EXOC4: variants seen among roughly 807,000 people sequenced by gnomAD.
EXOC4 encodes the protein SEC8-like 1.
A neutral mutation model predicts 107.2 loss-of-function variants in EXOC4; 71 were observed. The observed-to-expected ratio is 0.66, with a 90% CI of 0.55 to 0.81. EXOC4 has a LOEUF of 0.81. Ranked by LOEUF, EXOC4 falls within the 30% of genes least tolerant of loss-of-function variation. EXOC4 has a pLI of 0.00. For synonymous variants in EXOC4, 456 were observed against 441.2 expected (o/e 1.03, Z -0.42); for missense variants, 1,108 against 1,189.6 (o/e 0.93, Z 1.01).
intron 9 of EXOC4, among the ~76,000 whole-genome samples, chr7:133,608,155 C>CA (rs1357710332): frequency 6.6e-6 from 1 of 152,024 alleles, no homozygotes; most frequent in African/African-American, 2.4e-5. Flanking sequence ...TAATATAGAA[C>CA]AATTTAATCT....
At chr7:133,606,517 ATTTTTTTTT>A (rs56086076) in intron 9 of EXOC4, among the ~76,000 whole-genome samples, 1 of 136,920 alleles carries the variant, frequency 7.3e-6, no homozygotes, top group African/African-American at 3.0e-5. Flanking sequence ...TATTATTATT[ATTTTTTTTT>A]TTTTTTGAGG....
rs530469132 is a variant in EXOC4 at position 133,707,978 on chromosome 7, G to A, written c.1514+77837G>A. On this transcript the variant is annotated intron_variant, in intron 10 of 17. Coordinates refer to ENST00000253861, the MANE Select transcript of EXOC4 (RefSeq NM_021807.4). Reference sequence around the variant, plus strand: ...ATGAGTGACAGTGAACAATTACTTAGATAATGGAATGATAAAAATACCAGA... The same window carrying A: ...ATGAGTGACAGTGAACAATTACTTAAATAATGGAATGATAAAAATACCAGA... Among the ~76,000 whole-genome samples the A allele has an allele frequency of 5.3e-5, 8 of 152,246 alleles. No individual in the cohort carries two copies. The South Asian group carries it at 1.7e-3, about 32-fold the overall frequency.
intron 10 of EXOC4, among the ~76,000 whole-genome samples, chr7:133,666,852 CAA>C (rs1441611826): frequency 1.3e-5 from 2 of 152,122 alleles, no homozygotes; most frequent in Non-Finnish European, 2.9e-5. Flanking sequence ...CAACTCTGTT[CAA>C]AGCCCAGATA....
chr7:133,261,886 T>TA (rs1335653411), intron 1 of EXOC4, among the ~76,000 whole-genome samples: 1 of 152,192 alleles, frequency 6.6e-6, no homozygotes, highest in Non-Finnish European at 1.5e-5. Flanking sequence ...TTCAGGTTGT[T>TA]ATTTTCCTGG....
At chr7:133,396,288 T>C (rs376079561) in intron 7 of EXOC4, 11 of 152,210 alleles carry the variant, frequency 7.2e-5, no homozygotes, top group East Asian at 5.8e-4. Flanking sequence ...GACTCACTTA[T>C]GCTGATGAAT....
intron 9 of EXOC4, among the ~76,000 whole-genome samples, chr7:133,509,988 C>T (rs565402923): frequency 3.3e-5 from 5 of 152,142 alleles, no homozygotes; most frequent in East Asian, 3.9e-4. Flanking sequence ...TTTATTGAGG[C>T]GTAATTACAG....
intron 14 of EXOC4, among the ~76,000 whole-genome samples, chr7:133,961,722 A>G (rs1800949820): frequency 6.6e-6 from 1 of 152,210 alleles, no homozygotes; most frequent in Non-Finnish European, 1.5e-5. Flanking sequence ...CATTTTTCTG[A>G]TGACAAAACT....
intron 10 of EXOC4, among the ~76,000 whole-genome samples, chr7:133,642,499 AC>A (rs1364857140): frequency 6.6e-6 from 1 of 151,934 alleles, no homozygotes; most frequent in Non-Finnish European, 1.5e-5. Flanking sequence ...TGTCCCTCTT[AC>A]CCCACACGTC....
intron 12 of EXOC4, among the ~76,000 whole-genome samples, chr7:133,902,628 G>A (rs916968063): frequency 6.6e-6 from 1 of 152,096 alleles, no homozygotes; most frequent in Non-Finnish European, 1.5e-5. Flanking sequence ...CCGAGGGCAG[G>A]CAGATCACCA....
intron 15 of EXOC4, among the ~76,000 whole-genome samples, chr7:134,003,075 T>C (rs1314517256): frequency 6.6e-6 from 1 of 152,072 alleles, no homozygotes; most frequent in Non-Finnish European, 1.5e-5. Flanking sequence ...AATCTAAATA[T>C]CAATGGGCGA....
rs549936072 is a variant in EXOC4, at chr7:134,039,330, C to T, written c.2688-24961C>T. On this transcript the variant is annotated intron_variant, in intron 17 of 17. Coordinates refer to ENST00000253861, the MANE Select transcript of EXOC4 (RefSeq NM_021807.4). ...GATAAAGCTTCAGGGAGTCCATAAA[C>T]CCCCAAAATTATATGCAAAATCTGT... Among the ~76,000 whole-genome samples the T allele has an allele frequency of 8.5e-5, 13 of 152,160 alleles. No homozygotes were observed. In the South Asian group the frequency reaches 1.2e-3, roughly 15 times the overall value.
chr7:134,032,102 G>A (rs1002558136), intron 17 of EXOC4, among the ~76,000 whole-genome samples: 1 of 152,152 alleles, frequency 6.6e-6, no homozygotes, highest in Non-Finnish European at 1.5e-5. Flanking sequence ...TGTTGACAAA[G>A]GCTTTTTATA....
In EXOC4 at chr7:133,871,955, A is replaced by AT. The variant is rs1426755375; in HGVS notation, c.1735-23641dup. 2.6e-5 allele frequency among the ~76,000 whole-genome samples: 4 copies of AT among 152,350 alleles called. No individual in the cohort carries two copies. The East Asian group carries it at 5.8e-4, about 22-fold the overall frequency. ...TTTACTTAATAAAATAAACACTTAT[A>AT]TTTGTCATCCAGCCCTTCCTTATGT... On this transcript the variant is annotated intron_variant, in intron 11 of 17. Transcript: ENST00000253861.
intron 14 of EXOC4, among the ~76,000 whole-genome samples, chr7:133,995,209 A>G (rs1257248196): frequency 6.6e-6 from 1 of 152,208 alleles, no homozygotes; most frequent in Non-Finnish European, 1.5e-5. Context: ...ACAGTGGTCA[A>G]TTGCCACATG....
chr7:133,549,357 G>C (rs181625439), intron 9 of EXOC4, among the ~76,000 whole-genome samples: 1 of 152,180 alleles, frequency 6.6e-6, no homozygotes, highest in Admixed American at 6.5e-5. Context: ...GCCATTGTAG[G>C]GTTATTAATT....
In EXOC4 at chr7:133,937,880, T is replaced by C; in HGVS notation, c.2028-11T>C. 1 of 1,613,934 alleles carries C rather than the reference T, an allele frequency of 6.2e-7. No individual in the cohort carries two copies. The highest frequency in any genetic ancestry group is 8.5e-7 in the Non-Finnish European group (1 of 1,179,860). On this transcript the variant is annotated splice_polypyrimidine_tract_variant and intron_variant, in intron 13 of 17. Coordinates refer to ENST00000253861, the MANE Select transcript of EXOC4 (RefSeq NM_021807.4). ...TGTATATATGAAGTGTGTTTCTGAT[T>C]TGCTTTTCAGGGCAGCTTTTGGCAA...
chr7:133,671,937 A>G (rs1169806031), intron 10 of EXOC4, among the ~76,000 whole-genome samples: 2 of 152,186 alleles, frequency 1.3e-5, no homozygotes, highest in African/African-American at 4.8e-5. Flanking sequence ...AGTCAAGTGT[A>G]TGTGTTGAGC....
intron 6 of EXOC4, among the ~76,000 whole-genome samples, chr7:133,367,304 G>T (rs1319906594): frequency 6.6e-6 from 1 of 152,124 alleles, no homozygotes; most frequent in African/African-American, 2.4e-5. Context: ...TTCCTGAGAA[G>T]GAATAACTGG....
rs578054775 is a variant in EXOC4, at chr7:133,591,818, A to G, written c.1418-38227A>G. On this transcript the variant is annotated intron_variant, in intron 9 of 17. Transcript: ENST00000253861. ...CGAATGCATGTAGGTTGGGGAATCA[A>G]TTAAAAACACTTTCATTTTCTCTGT... Among the ~76,000 whole-genome samples the G allele has an allele frequency of 2.2e-4, 33 of 152,300 alleles. No homozygotes were observed. In the Middle Eastern group the frequency reaches 0.01, roughly 47 times the overall value.
Sources: allele counts gnomAD v4.1 joint callset (sites outside exome capture counted in the v4.1 genomes callset), GRCh38; gene constraint gnomAD v4.1.1; transcripts MANE v1.5; gene names NCBI Gene and HGNC (gene_info 2026-07-23, HGNC 2026-07-21).